The following GPR89B variants were observed in gnomAD, a reference collection of about 807,000 sequenced individuals.
The protein encoded by GPR89B is golgi pH regulator B.
A neutral mutation model predicts 52.4 loss-of-function variants in GPR89B; 25 were observed. The ratio of observed to expected loss-of-function variants is 0.48; its 90% CI spans 0.35 to 0.67. The LOEUF (loss-of-function observed/expected upper bound fraction) is 0.67, where lower values mean the gene tolerates loss of function less well. GPR89B is among the 30% of genes least tolerant of loss of function. GPR89B has a pLI of 0.01. For synonymous variants in GPR89B, 52 were observed against 151.2 expected, an observed-to-expected ratio of 0.34 and a Z score of 4.81; for missense variants, 146 against 450.2, an observed-to-expected ratio of 0.32 and a Z score of 6.11.
chr1:147,982,307 G>A (rs1468996888), intron 10 of GPR89B, among the ~76,000 whole-genome samples: 10 of 151,536 alleles, frequency 6.6e-5, no homozygotes, highest in African/African-American at 4.9e-5. Flanking sequence ...TGATCTACCC[G>A]CCTCAGCCTC....
At chr1:147,935,860 A>G (rs1331631981) in intron 1 of GPR89B, among the ~76,000 whole-genome samples, 2 of 152,054 alleles carry the variant, frequency 1.3e-5, no homozygotes, top group Non-Finnish European at 2.9e-5. Flanking sequence ...TCAGCCTCCC[A>G]GGTGGCTGGG....
chr1:148,013,452 T>C, the GPR89B span, among the ~76,000 whole-genome samples: 2 of 152,004 alleles, frequency 1.3e-5, no homozygotes, highest in Admixed American at 6.5e-5. Context: ...GCATTTCTTC[T>C]CTCCCCAAGA....
intron 3 of GPR89B, among the ~76,000 whole-genome samples, chr1:147,941,368 C>T (rs1261725695): frequency 6.6e-6 from 1 of 152,188 alleles, no homozygotes; most frequent in Admixed American, 6.5e-5. Context: ...TGTAGTATTG[C>T]CTGGAGGATG....
intron 10 of GPR89B, among the ~76,000 whole-genome samples, chr1:147,970,491 A>ATCTCTCTCTCTCTCTCTCCCTCCCTC (rs1657344123): frequency 1.9e-5 from 2 of 105,738 alleles, no homozygotes; most frequent in African/African-American, 6.9e-5. Flanking sequence ...GTGAGACTCC[A>ATCTCTCTCTCTCTCTCTCCCTCCCTC]TCTCTCTCTC....
chr1:147,973,490 C>G, intron 10 of GPR89B, among the ~76,000 whole-genome samples: 1 of 151,670 alleles, frequency 6.6e-6, no homozygotes, highest in East Asian at 1.9e-4. Context: ...TGTTCATGTC[C>G]TTTGCTTACT....
intron 10 of GPR89B, among the ~76,000 whole-genome samples, chr1:147,970,165 C>T (rs1460088117): frequency 6.6e-6 from 1 of 151,880 alleles, no homozygotes; most frequent in African/African-American, 2.4e-5. Flanking sequence ...CATTTTTCTT[C>T]TGTCAGAAAT....
At chr1:148,004,000 G>C in the GPR89B span, 3 of 513,302 alleles carry the variant, frequency 5.8e-6, no homozygotes, top group Non-Finnish European at 1.0e-5. Flanking sequence ...AACACACACA[G>C]ATGAGGAATG....
chr1:147,984,723 A>G (rs1183156216), intron 10 of GPR89B, among the ~76,000 whole-genome samples: 1 of 148,880 alleles, frequency 6.7e-6, no homozygotes, highest in East Asian at 2.0e-4. Flanking sequence ...TTCTCATTCA[A>G]TTCAAAATGC....
intron 10 of GPR89B, among the ~76,000 whole-genome samples, chr1:147,970,555 A>ATC (rs1200595357): frequency 1.1e-3 from 81 of 76,712 alleles, no homozygotes; most frequent in African/African-American, 3.4e-3. Context: ...CTCTCTCTCT[A>ATC]TCTCTCTCTC....
chr1:148,004,378 G>A, the GPR89B span, among the ~76,000 whole-genome samples: 1 of 150,690 alleles, frequency 6.6e-6, no homozygotes. Flanking sequence ...TGTTAGCCAG[G>A]ATGGTCTCGA....
chr1:147,949,075 G>A (rs1655268849), intron 5 of GPR89B, among the ~76,000 whole-genome samples: 2 of 151,978 alleles, frequency 1.3e-5, no homozygotes, highest in African/African-American at 4.8e-5. Flanking sequence ...ACAGGGTTGG[G>A]GGTAGGGTCA....
At chr1:147,998,880 CAA>C in the GPR89B span, among the ~76,000 whole-genome samples, 1,844 of 77,668 alleles carry the variant, frequency 0.024, 25 homozygotes, top group African/African-American at 0.065. Context: ...GACTCTGTCT[CAA>C]AAAAAAAAAA....
chr1:147,971,423 C>CT (rs1657455666), intron 10 of GPR89B, among the ~76,000 whole-genome samples: 1 of 138,326 alleles, frequency 7.2e-6, no homozygotes, highest in Non-Finnish European at 1.5e-5. Context: ...AGTGCTGGGA[C>CT]TACAGGCGTG....
chr1:147,997,272 T>C (rs1659337153), downstream of GPR89B, among the ~76,000 whole-genome samples: 1 of 152,170 alleles, frequency 6.6e-6, no homozygotes, highest in Admixed American at 6.5e-5. Flanking sequence ...AAGGAATACC[T>C]AGAAGCCCGG....
intron 10 of GPR89B, among the ~76,000 whole-genome samples, chr1:147,983,434 G>A (rs1435468217): frequency 0.043 from 6,448 of 150,960 alleles, 191 homozygotes; most frequent in African/African-American, 0.072. Flanking sequence ...TCATCTGACA[G>A]AGGGCTAATA....
chr1:147,978,289 T>C (rs1396289576), intron 10 of GPR89B, among the ~76,000 whole-genome samples: 1 of 151,984 alleles, frequency 6.6e-6, no homozygotes, highest in African/African-American at 2.4e-5. Flanking sequence ...ATCCATACCC[T>C]ACTCGCCTGG....
intron 7 of GPR89B, among the ~76,000 whole-genome samples, chr1:147,963,994 G>A (rs1221859329): frequency 3.3e-5 from 5 of 151,990 alleles, no homozygotes; most frequent in Non-Finnish European, 7.4e-5. Flanking sequence ...TACAGAAATG[G>A]AGAACAGATT....
At chr1:148,002,020 T>A in the GPR89B span, among the ~76,000 whole-genome samples, 17 of 151,252 alleles carry the variant, frequency 1.1e-4, no homozygotes, top group Non-Finnish European at 2.9e-5. Context: ...GGCCTTCTGG[T>A]ATCTTCACCA....
chr1:148,019,101 C>G, the GPR89B span, among the ~76,000 whole-genome samples: 2 of 151,554 alleles, frequency 1.3e-5, no homozygotes, highest in Non-Finnish European at 2.9e-5. Context: ...CTCAGCCTCC[C>G]GAGTAGCTGG....
Sources: allele counts gnomAD v4.1 joint callset (sites outside exome capture counted in the v4.1 genomes callset), GRCh38; gene constraint gnomAD v4.1.1; transcripts MANE v1.5; gene names NCBI Gene and HGNC (gene_info 2026-07-23, HGNC 2026-07-21).